HSPA1L: variants seen among roughly 807,000 people sequenced by gnomAD.
HSPA1L encodes heat shock 70 kDa protein 1-like.
Under a neutral mutation model 31.5 loss-of-function variants are expected in HSPA1L, and 21 were observed. That is an observed-to-expected ratio of 0.67 (90% confidence interval 0.47 to 0.96). The LOEUF (loss-of-function observed/expected upper bound fraction) is 0.96. Among genes scored for constraint, HSPA1L ranks in the 40% least tolerant of loss-of-function variants. The probability of loss-of-function intolerance (pLI) is 0.00; values close to 1 mark genes in which losing one functional copy is unlikely to be tolerated. For missense variants in HSPA1L, 709 were observed against 813.4 expected (o/e 0.87, Z 1.56); for synonymous variants, 293 against 323.1 (o/e 0.91, Z 1.00).
At chr6:31,814,217 G>A (rs1362708053) in intron 1 of HSPA1L, among the ~76,000 whole-genome samples, 1 of 152,176 alleles carries the variant, frequency 6.6e-6, no homozygotes, top group Admixed American at 6.5e-5. Flanking sequence ...GACCATCCTG[G>A]CTACCATCCT....
chr6:31,812,268 G>A (rs1273289860), intron 1 of HSPA1L, among the ~76,000 whole-genome samples: 2 of 151,696 alleles, frequency 1.3e-5, no homozygotes, highest in African/African-American at 2.4e-5. Flanking sequence ...CTGAGTTCAA[G>A]CGATTCTCCT....
Position 31,810,486 on chromosome 6 carries a change from C to T in HSPA1L, c.1487G>A (p.Ser496Asn). 6.2e-7 allele frequency: 1 copy of T among 1,613,698 alleles called. No homozygotes were observed. Among genetic ancestry groups the T allele is most frequent in the Non-Finnish European group, 8.5e-7 (1 of 1,179,832 alleles). ...GGTGATCTTGTTCACCTTGCCGGTG[C>T]TCTTGTCCGTGGCTGTGACATTGAG... ...GILNVTATDK[S>N]TGKVNKITIT... Residue 496 changes from serine to asparagine, a missense_variant, in exon 2 of 2, where the codon AGC becomes AAC. Physicochemically the swap from Ser to Asn is conservative, Grantham distance 46. Coordinates refer to ENST00000375654, the MANE Select transcript of HSPA1L (RefSeq NM_005527.4).
In HSPA1L at chr6:31,811,311, A is replaced by G; in HGVS notation, c.662T>C (p.Val221Ala). 1 of 1,614,086 alleles carries G rather than the reference A, an allele frequency of 6.2e-7. No homozygotes were observed. Among genetic ancestry groups the G allele is most frequent in the Non-Finnish European group, 8.5e-7 (1 of 1,180,008 alleles). ...GTGAGTGTCCCCAGCAGTGGCCTTT[A>G]CCTCAAAAATCCCATCATCTATGGT... ...ILTIDDGIFE[V>A]KATAGDTHLG... Residue 221 changes from valine (V) to alanine (A), a missense_variant, in exon 2 of 2, where the codon GTA (valine) becomes GCA (alanine). Physicochemically the swap from Val to Ala is moderately conservative, Grantham distance 64 (BLOSUM62 0). Transcript: ENST00000375654.
chr6:31,814,708 G>T (rs1815749121), intron 1 of HSPA1L, among the ~76,000 whole-genome samples, 181 bp downstream of exon 1: 2 of 136,222 alleles, frequency 1.5e-5, no homozygotes, highest in Admixed American at 8.7e-5. Flanking sequence ...CCCCCATTCT[G>T]GCTGCTCCGA....
At chr6:31,813,467 G>C (rs904721272) in intron 1 of HSPA1L, among the ~76,000 whole-genome samples, 2 of 152,108 alleles carry the variant, frequency 1.3e-5, no homozygotes, top group Non-Finnish European at 2.9e-5. Flanking sequence ...GCCACGCCCA[G>C]ATAATTTTTG....
Position 31,815,002 on chromosome 6 carries a change from CA to C in HSPA1L, c.-128del. The C allele has an allele frequency of 3.3e-6, 1 of 305,070 alleles. No individual in the cohort carries two copies. The highest frequency in any genetic ancestry group is 4.6e-6 in the Non-Finnish European group (1 of 217,110). The allele number at this position is 305,070 out of a possible 1,614,324, so 18.9% of individuals were successfully genotyped here. On this transcript the variant is annotated 5_prime_UTR_variant, in exon 1 of 2. An upstream open reading frame in the 5' UTR gains an earlier in-frame stop. Transcript: ENST00000375654. ...GCACAACCGGGGTCCCCCCACCCCCCACCCCGTCCCTCCCTGCAAATTTGAG... is the reference window on the plus strand; with the variant it reads ...GCACAACCGGGGTCCCCCCACCCCCCCCCCGTCCCTCCCTGCAAATTTGAG...
intron 1 of HSPA1L, among the ~76,000 whole-genome samples, chr6:31,813,740 G>A (rs1815611118): frequency 6.6e-6 from 1 of 152,224 alleles, no homozygotes; most frequent in African/African-American, 2.4e-5. Context: ...GGACAGGGTA[G>A]ACAAAAGTAT....
Position 31,810,481 on chromosome 6 carries a change from C to T in HSPA1L, c.1492G>A (p.Gly498Ser), listed in dbSNP as rs758555654. The T allele has an allele frequency of 9.9e-6, 16 of 1,613,612 alleles. No homozygotes were observed. Among genetic ancestry groups the T allele is most frequent in the Middle Eastern group, 1.6e-4 (1 of 6,084 alleles). The change falls in exon 2 of 2, where the codon GGC becomes AGC. Residue 498 changes from glycine to serine, a missense_variant. By Grantham distance (56) the Gly-to-Ser change is moderately conservative. Coordinates refer to ENST00000375654, the MANE Select transcript of HSPA1L (RefSeq NM_005527.4). Reference sequence around the variant, plus strand: ...GTGATGGTGATCTTGTTCACCTTGCCGGTGCTCTTGTCCGTGGCTGTGACA... The same window carrying T: ...GTGATGGTGATCTTGTTCACCTTGCTGGTGCTCTTGTCCGTGGCTGTGACA... Reference protein sequence around the residue: ...LNVTATDKSTGKVNKITITND... With the variant: ...LNVTATDKSTSKVNKITITND...
At position 31,811,166 on chromosome 6, in the gene HSPA1L, G is replaced by A. The variant is rs576696139; in HGVS notation, c.807C>T (p.Cys269=). 57 of 1,614,182 alleles carry A rather than the reference G, an allele frequency of 3.5e-5. No homozygotes were observed. The highest frequency in any genetic ancestry group is 2.9e-4 in the South Asian group (26 of 91,088). ...ACGACAGGGTCCTCTTGGCCCTCTC[G>A]CAGGCGGTGCGCAGCCGCCTCACGG... ...KRAVRRLRTA[C]ERAKRTLSSS... Residue 269 remains cysteine, a synonymous_variant, in exon 2 of 2, where the codon TGC becomes TGT. Coordinates refer to ENST00000375654, the MANE Select transcript of HSPA1L (RefSeq NM_005527.4).
chr6:31,810,770 C>T lies in HSPA1L; in HGVS notation c.1203G>A (p.Leu401=). 6.2e-7 allele frequency: 1 copy of T among 1,614,130 alleles called. No homozygotes were observed. The highest frequency in any genetic ancestry group is 1.1e-5 in the South Asian group (1 of 91,080). Residue 401 remains leucine, a synonymous_variant, in exon 2 of 2, where the codon CTG becomes CTA. Transcript: ENST00000375654. The part of the protein sequence containing the change: ...QDLLLLDVAP[L]SLGLETAGGV... ...CCCCAGCCGTCTCCAGCCCCAGGGACAGGGGAGCCACGTCCAGCAGCAGCA... is the reference window on the plus strand; with the variant it reads ...CCCCAGCCGTCTCCAGCCCCAGGGATAGGGGAGCCACGTCCAGCAGCAGCA...
chr6:31,814,480 C>T (rs967286401), intron 1 of HSPA1L, among the ~76,000 whole-genome samples: 14 of 148,544 alleles, frequency 9.4e-5, no homozygotes, highest in Non-Finnish European at 2.1e-4. Flanking sequence ...CTGCACTCCA[C>T]CCTGGGCGAC....
At chr6:31,812,114 G>C in intron 1 of HSPA1L, 129 bp from the exon 2 acceptor site, 1 of 1,160,900 alleles carries the variant, frequency 8.6e-7, no homozygotes, top group Non-Finnish European at 1.2e-6. Context: ...CTGCAGCTTT[G>C]ATCTCCTAGG....
At chr6:31,814,038 G>A (rs1176779943) in intron 1 of HSPA1L, among the ~76,000 whole-genome samples, 1 of 152,168 alleles carries the variant, frequency 6.6e-6, no homozygotes. Context: ...TTTCTCAAAC[G>A]ACATGGCACT....
rs1452233259 is a variant in HSPA1L at position 31,811,710 on chromosome 6, T to A, written c.263A>T (p.Asp88Val). Residue 88 changes from aspartate to valine, a missense_variant, in exon 2 of 2, where the codon GAT becomes GTT. Physicochemically the swap from Asp to Val is radical, Grantham distance 152. Coordinates refer to ENST00000375654, the MANE Select transcript of HSPA1L (RefSeq NM_005527.4). ...CACTTGAAAAGGCCAAAGTTTCATA[T>A]CTGCTTGTACAACAGGATCATTAAA... Reference protein sequence around the residue: ...RKFNDPVVQADMKLWPFQVIN... With the variant: ...RKFNDPVVQAVMKLWPFQVIN... The A allele has an allele frequency of 6.2e-7, 1 of 1,614,096 alleles. No homozygotes were observed. The highest frequency in any genetic ancestry group is 2.2e-5 in the East Asian group (1 of 44,892).
intron 1 of HSPA1L, among the ~76,000 whole-genome samples, chr6:31,814,557 G>A (rs963768747): frequency 1.3e-5 from 2 of 151,528 alleles, no homozygotes; most frequent in African/African-American, 4.8e-5. Context: ...AAAATAAAGG[G>A]TTTAGTGTCT....
Position 31,810,662 on chromosome 6 carries a change from T to TAGG in HSPA1L, c.1310_1311insCCT (p.Gln437delinsHisLeu). Reference sequence around the variant, plus strand: ...CATACACCTGGATCAGCACCCCGGGTTGGTTGTCAGAGTAGGTGGTGAAAA... The same window carrying TAGG: ...CATACACCTGGATCAGCACCCCGGGTAGGTGGTTGTCAGAGTAGGTGGTGAAAA... On this transcript the variant is annotated protein_altering_variant, in exon 2 of 2. Coordinates refer to ENST00000375654, the MANE Select transcript of HSPA1L (RefSeq NM_005527.4). 1 of 1,613,844 alleles carries TAGG rather than the reference T, an allele frequency of 6.2e-7. No homozygotes were observed. Among genetic ancestry groups the TAGG allele is most frequent in the East Asian group, 2.2e-5 (1 of 44,840 alleles).
In HSPA1L at chr6:31,810,188, A is replaced by G; in HGVS notation, c.1785T>C (p.Asp595=). ...VNQLAEKDEF[D]HKRKELEQMC... is the part of the protein sequence containing the mutation. ...TCTGCTCCAATTCCTTTCTCTTATG[A>G]TCAAACTCATCTTTCTCTGCCAGTT... is the stretch of plus-strand genomic sequence containing the variant. The change falls in exon 2 of 2, where the codon GAT becomes GAC. Residue 595 remains aspartate, a synonymous_variant. Transcript: ENST00000375654. The G allele has an allele frequency of 6.5e-7, 1 of 1,528,666 alleles. No individual in the cohort carries two copies. The highest frequency in any genetic ancestry group is 1.4e-5 in the African/African-American group (1 of 72,134). The allele number at this position is 1,528,666 out of a possible 1,614,324, so 94.7% of individuals were successfully genotyped here.
At position 31,815,119 on chromosome 6, in the gene HSPA1L, A is replaced by C. The variant is rs2151468694; in HGVS notation, c.-244T>G. On this transcript the variant is annotated 5_prime_UTR_variant, in exon 1 of 2. Transcript: ENST00000375654. The stretch of plus-strand genomic sequence containing the variant: ...AACGTGGCCGGGCGGTGTCAACACA[A>C]ACGCCCCCACCCTCCCCTGGACGCG... The C allele has an allele frequency of 2.0e-4, 116 of 573,846 alleles. No homozygotes were observed. Among genetic ancestry groups the C allele is most frequent in the Non-Finnish European group, 2.4e-4 (109 of 447,716 alleles). 35.5% of individuals were successfully genotyped at this position (573,846 alleles called of 1,614,324 possible).
In HSPA1L at chr6:31,810,715, A is replaced by C; in HGVS notation, c.1258T>G (p.Ser420Ala). 6.2e-7 allele frequency: 1 copy of C among 1,613,890 alleles called. No individual in the cohort carries two copies. Among genetic ancestry groups the C allele is most frequent in the Non-Finnish European group, 8.5e-7 (1 of 1,179,950 alleles). ...TGTGTCTGCTTGGTGGGGATGGTGG[A>C]GTTGCGCTTTATCAGGGCAGTCATC... The part of the protein sequence containing the change: ...GVMTALIKRN[S>A]TIPTKQTQIF... Residue 420 changes from serine (S) to alanine (A), a missense_variant, in exon 2 of 2, where the codon TCC (serine) becomes GCC (alanine). Transcript: ENST00000375654.
Sources: allele counts gnomAD v4.1 joint callset (sites outside exome capture counted in the v4.1 genomes callset), GRCh38; gene constraint gnomAD v4.1.1; transcripts MANE v1.5; gene names NCBI Gene and HGNC (gene_info 2026-07-23, HGNC 2026-07-21).